The following TRPM3 variants were observed in gnomAD, a reference collection of about 807,000 sequenced individuals.
TRPM3 encodes long transient receptor potential channel 3.
Under a neutral mutation model 181.2 loss-of-function variants are expected in TRPM3, and 77 were observed. The observed-to-expected ratio is 0.42, with a 90% CI of 0.35 to 0.51. The LOEUF (loss-of-function observed/expected upper bound fraction) is 0.51. Among genes scored for constraint, TRPM3 ranks in the 20% least tolerant of loss-of-function variants. The pLI, the probability that TRPM3 is intolerant of heterozygous loss-of-function variation, is 0.01. For synonymous variants in TRPM3, 745 were observed against 796.4 expected (o/e 0.94, Z 1.09); for missense variants, 1,759 against 2,196.7 (o/e 0.80, Z 3.98).
chr9:71,289,875 CAAAAAA>C (rs71352367), intron 1 of TRPM3, among the ~76,000 whole-genome samples: 2,763 of 39,518 alleles, frequency 0.07, 52 homozygotes, highest in African/African-American at 0.19. Flanking sequence ...GACTCTGTCT[CAAAAAA>C]AAAAAAAAAA....
chr9:71,068,091 T>C (rs920459128), intron 1 of TRPM3, among the ~76,000 whole-genome samples: 1 of 152,180 alleles, frequency 6.6e-6, no homozygotes, highest in Non-Finnish European at 1.5e-5. Context: ...TGATTGTCTA[T>C]GGTGTTTAGT....
intron 1 of TRPM3, chr9:70,916,976 T>A: frequency 6.7e-7 from 1 of 1,491,500 alleles, no homozygotes; most frequent in Non-Finnish European, 9.3e-7. Flanking sequence ...AACAATCTGG[T>A]ATAATTGCCT....
intron 6 of TRPM3, among the ~76,000 whole-genome samples, chr9:70,805,533 C>CG (rs2090476443): frequency 1.5e-5 from 1 of 66,950 alleles, no homozygotes; most frequent in Non-Finnish European, 2.7e-5. Context: ...GACTCCATCT[C>CG]GAAAAAAAAA....
chr9:71,138,618 T>A (rs1156264685), intron 1 of TRPM3, among the ~76,000 whole-genome samples: 3 of 152,310 alleles, frequency 2.0e-5, no homozygotes, highest in East Asian at 3.9e-4. Flanking sequence ...GGGTGAACTT[T>A]ATGGCATGTA....
At chr9:70,993,710 G>C (rs1008427805) in intron 1 of TRPM3, among the ~76,000 whole-genome samples, 5 of 143,374 alleles carry the variant, frequency 3.5e-5, no homozygotes, top group African/African-American at 1.3e-4. Flanking sequence ...CAGGCAGAAA[G>C]AAAGCGCTCC....
chr9:70,864,142 G>A (rs1347293704), intron 2 of TRPM3, among the ~76,000 whole-genome samples: 1 of 151,732 alleles, frequency 6.6e-6, no homozygotes, highest in African/African-American at 2.4e-5. Context: ...GTACTTAAAA[G>A]GAAAAACCAA....
chr9:70,618,691 C>G (rs2063161607), intron 17 of TRPM3, among the ~76,000 whole-genome samples, 176 bp downstream of exon 17: 1 of 152,240 alleles, frequency 6.6e-6, no homozygotes, highest in African/African-American at 2.4e-5. Context: ...GCCCCAGCCT[C>G]TATATGGAAT....
chr9:71,220,359 A>T (rs531790520), intron 1 of TRPM3, among the ~76,000 whole-genome samples: 44 of 25,704 alleles, frequency 1.7e-3, no homozygotes, highest in Non-Finnish European at 2.5e-3. Context: ...AGTCTGATTT[A>T]TTATTATTAT....
At chr9:70,798,618 C>T (rs138828172) in intron 6 of TRPM3, among the ~76,000 whole-genome samples, 1 of 152,284 alleles carries the variant, frequency 6.6e-6, no homozygotes, top group African/African-American at 2.4e-5. Context: ...CTGGTTCTTA[C>T]AGTGCCTCAC....
At chr9:70,881,991 C>T (rs1275010886) in intron 1 of TRPM3, among the ~76,000 whole-genome samples, 2 of 152,132 alleles carry the variant, frequency 1.3e-5, no homozygotes, top group Non-Finnish European at 2.9e-5. Flanking sequence ...AAAGTATGTT[C>T]TGAAAATAAC....
At chr9:71,337,779 G>T (rs1415803523) in intron 1 of TRPM3, among the ~76,000 whole-genome samples, 1 of 152,152 alleles carries the variant, frequency 6.6e-6, no homozygotes, top group East Asian at 1.9e-4. Context: ...CATGTCCTTT[G>T]CAGGGATATG....
At chr9:71,334,760 TCTTTAA>T (rs2090441260) in intron 1 of TRPM3, among the ~76,000 whole-genome samples, 1 of 152,176 alleles carries the variant, frequency 6.6e-6, no homozygotes. Flanking sequence ...GATTAGTTGT[TCTTTAA>T]CTTTAACTTA....
intron 9 of TRPM3, among the ~76,000 whole-genome samples, chr9:70,673,192 C>T (rs556116062): frequency 1.3e-5 from 2 of 151,974 alleles, no homozygotes; most frequent in South Asian, 4.2e-4. Context: ...TATTTGGCTT[C>T]CAGGTGGTTT....
chr9:71,278,072 T>TAGCATTA (rs1284280149), intron 1 of TRPM3, among the ~76,000 whole-genome samples: 1 of 152,260 alleles, frequency 6.6e-6, no homozygotes, highest in Non-Finnish European at 1.5e-5. Context: ...GTGTATCACC[T>TAGCATTA]AGCATTAAGC....
At chr9:70,624,689 C>T (rs10868861) in intron 14 of TRPM3, among the ~76,000 whole-genome samples, 34,145 of 152,112 alleles carry the variant, frequency 0.22, 5,038 homozygotes, top group African/African-American at 0.42. Flanking sequence ...TATCCTACAA[C>T]AGACTGAATC....
rs2095092581 is a variant in TRPM3 at position 70,848,726 on chromosome 9, C to T, written c.463-2135G>A. On this transcript the variant is annotated intron_variant, in intron 3 of 25. Coordinates refer to ENST00000677713, the MANE Select transcript of TRPM3 (RefSeq NM_001366145.2). ...GGCGCGGTGGCTCACGCCTGTAATC[C>T]CAGCACTTTGGGAGGCCGAGGCGGG... 6.9e-5 allele frequency among the ~76,000 whole-genome samples: 2 copies of T among 28,808 alleles called. 1 individual carries two copies. The highest frequency in any genetic ancestry group is 2.7e-4 in the African/African-American group (2 of 7,284). 18.9% of individuals were successfully genotyped at this position (28,808 alleles called of 152,430 possible). A position where few individuals can be genotyped will look rare whatever the true frequency, so the allele number is the denominator to read the frequency against.
intron 1 of TRPM3, among the ~76,000 whole-genome samples, chr9:70,879,504 C>T (rs2095942024): frequency 6.6e-6 from 1 of 152,066 alleles, no homozygotes; most frequent in Non-Finnish European, 1.5e-5. Flanking sequence ...CATTAACACT[C>T]TCTATCCTGA....
chr9:70,754,897 T>C (rs548655213), intron 8 of TRPM3, among the ~76,000 whole-genome samples: 1 of 152,264 alleles, frequency 6.6e-6, no homozygotes, highest in Admixed American at 6.5e-5. Flanking sequence ...AGCTTGGCTC[T>C]TCCTGGCTCT....
At chr9:71,359,461 A>T (rs2092050696) in intron 1 of TRPM3, among the ~76,000 whole-genome samples, 1 of 152,196 alleles carries the variant, frequency 6.6e-6, no homozygotes, top group African/African-American at 2.4e-5. Context: ...AATTCATCTC[A>T]TTTAAACCAA....
Sources: allele counts gnomAD v4.1 joint callset (sites outside exome capture counted in the v4.1 genomes callset), GRCh38; gene constraint gnomAD v4.1.1; transcripts MANE v1.5; gene names NCBI Gene and HGNC (gene_info 2026-07-23, HGNC 2026-07-21).